RUNX1: variants seen among roughly 807,000 people sequenced by gnomAD.
RUNX1 encodes RUNX family transcription factor 1.
A neutral mutation model predicts 42.8 loss-of-function variants in RUNX1; 19 were observed. The observed-to-expected ratio is 0.44, with a 90% CI of 0.31 to 0.65. The LOEUF (loss-of-function observed/expected upper bound fraction) is 0.65. Among genes scored for constraint, RUNX1 ranks in the 30% least tolerant of loss-of-function variants. The pLI is 0.07. For synonymous variants in RUNX1, 271 were observed against 289.4 expected, an observed-to-expected ratio of 0.94 and a Z score of 0.64; for missense variants, 528 against 672.0, an observed-to-expected ratio of 0.79 and a Z score of 2.37.
chr21:34,866,195 G>T (rs762792004), intron 5 of RUNX1, among the ~76,000 whole-genome samples: 1 of 152,194 alleles, frequency 6.6e-6, no homozygotes, highest in African/African-American at 2.4e-5. Context: ...TGCCCTGGGG[G>T]CTCAGAGTCC....
At chr21:34,893,041 T>C in intron 2 of RUNX1, 78 bp from the exon 3 acceptor site, 2 of 878,038 alleles carry the variant, frequency 2.3e-6, no homozygotes, top group Non-Finnish European at 3.8e-6. Context: ...TTTTTTTTGC[T>C]AGCTCATTTC....
chr21:34,788,132 G>C lies in RUNX1; in HGVS notation c.*4003C>G, dbSNP rs886057030. The C allele has an allele frequency of 4.3e-6, 1 of 233,220 alleles. No individual in the cohort carries two copies. Among genetic ancestry groups the C allele is most frequent in the Non-Finnish European group, 8.5e-6 (1 of 118,070 alleles). The allele number at this position is 233,220 out of a possible 1,614,324, so 14.4% of individuals were successfully genotyped here. A position where few individuals can be genotyped will look rare whatever the true frequency, so the allele number is the denominator to read the frequency against. On this transcript the variant is annotated 3_prime_UTR_variant, in exon 9 of 9. Coordinates refer to ENST00000675419, the MANE Select transcript of RUNX1 (RefSeq NM_001754.5). ...TTCCCCTTTAAGAAGCATTCCATAC[G>C]TTTGTACCAGGGAGAAAGAAGCCCA... is the stretch of plus-strand genomic sequence containing the variant.
intron 8 of RUNX1, among the ~76,000 whole-genome samples, chr21:34,795,597 G>A (rs1343864793): frequency 6.6e-6 from 1 of 152,172 alleles, no homozygotes; most frequent in Non-Finnish European, 1.5e-5. Context: ...AGGCAGACAT[G>A]TGGGCAGGGA....
chr21:34,798,188 G>A (rs2056557587), intron 8 of RUNX1: 1 of 454,104 alleles, frequency 2.2e-6, no homozygotes, highest in African/African-American at 2.0e-5. Flanking sequence ...GATCCCAAGA[G>A]CTGAAAAGCA....
chr21:34,836,336 C>T (rs1341364082), intron 6 of RUNX1, among the ~76,000 whole-genome samples: 1 of 152,198 alleles, frequency 6.6e-6, no homozygotes, highest in Non-Finnish European at 1.5e-5. Flanking sequence ...TTGCAGCAAC[C>T]CCCATCATCC....
intron 2 of RUNX1, among the ~76,000 whole-genome samples, chr21:34,954,509 C>A (rs1481031893): frequency 6.6e-6 from 1 of 152,124 alleles, no homozygotes; most frequent in African/African-American, 2.4e-5. Context: ...ATATCCCTGA[C>A]TTCTCCCTCT....
chr21:34,882,909 G>A (rs1019651984), intron 4 of RUNX1, among the ~76,000 whole-genome samples: 2 of 152,100 alleles, frequency 1.3e-5, no homozygotes, highest in African/African-American at 4.8e-5. Context: ...CATTCAGCAG[G>A]TATACAGAGA....
intron 2 of RUNX1, among the ~76,000 whole-genome samples, chr21:35,015,158 G>A (rs1162886172): frequency 3.3e-5 from 5 of 152,206 alleles, no homozygotes; most frequent in Admixed American, 6.5e-5. Flanking sequence ...CTGGCTGTGA[G>A]ATCCTGGGCA....
In RUNX1 at chr21:34,905,464, T is replaced by G. The variant is rs564071751; in HGVS notation, c.59-12501A>C. ...TGTGTAAGCTTTATTTTCACCGTTGTGTATGATGCTCTTTTCTGATCATGG... is the reference window on the plus strand; with the variant it reads ...TGTGTAAGCTTTATTTTCACCGTTGGGTATGATGCTCTTTTCTGATCATGG... On this transcript the variant is annotated intron_variant, in intron 2 of 8. Coordinates refer to ENST00000675419, the MANE Select transcript of RUNX1 (RefSeq NM_001754.5). Among the ~76,000 whole-genome samples the G allele has an allele frequency of 1.1e-3, 160 of 152,346 alleles. 1 individual carries two copies. The highest frequency in any genetic ancestry group is 3.7e-3 in the African/African-American group (153 of 41,580).
At chr21:34,850,380 C>T (rs1411274692) in intron 6 of RUNX1, among the ~76,000 whole-genome samples, 2 of 152,128 alleles carry the variant, frequency 1.3e-5, no homozygotes, top group Non-Finnish European at 2.9e-5. Flanking sequence ...AGTGGGTGGC[C>T]GGCCATGTTT....
intron 6 of RUNX1, among the ~76,000 whole-genome samples, chr21:34,848,054 T>C (rs1377264288): frequency 2.6e-5 from 4 of 152,248 alleles, no homozygotes; most frequent in Non-Finnish European, 4.4e-5. Context: ...AGCATGTGCT[T>C]TAATAATAGC....
At chr21:34,936,269 CCT>C (rs1491062455) in intron 2 of RUNX1, among the ~76,000 whole-genome samples, 1 of 149,216 alleles carries the variant, frequency 6.7e-6, no homozygotes, top group African/African-American at 2.5e-5. Flanking sequence ...ATTCAGCCCC[CCT>C]CTTTTTTAAA....
chr21:34,846,194 CTT>C (rs5843687), intron 6 of RUNX1, among the ~76,000 whole-genome samples: 91 of 102,236 alleles, frequency 8.9e-4, no homozygotes, highest in South Asian at 3.8e-3. Flanking sequence ...TTAAGGATGT[CTT>C]TTTTTTTTTT....
intron 7 of RUNX1, among the ~76,000 whole-genome samples, chr21:34,821,041 G>C (rs950731570): frequency 6.6e-6 from 1 of 152,174 alleles, no homozygotes; most frequent in African/African-American, 2.4e-5. Context: ...TTTACCATTT[G>C]GTCTTGTGGA....
intron 2 of RUNX1, among the ~76,000 whole-genome samples, chr21:34,893,540 C>A (rs1211429778): frequency 3.9e-5 from 6 of 152,092 alleles, no homozygotes; most frequent in African/African-American, 4.8e-5. Context: ...TTACTGTATA[C>A]ATTTACAACT....
chr21:34,993,283 G>A (rs916190735), intron 2 of RUNX1, among the ~76,000 whole-genome samples: 1 of 152,166 alleles, frequency 6.6e-6, no homozygotes, highest in African/African-American at 2.4e-5. Flanking sequence ...TACTGATGTA[G>A]CTATAGGATG....
intron 2 of RUNX1, among the ~76,000 whole-genome samples, chr21:35,030,156 AC>A (rs935629346): frequency 2.0e-5 from 3 of 152,172 alleles, no homozygotes; most frequent in African/African-American, 7.2e-5. Context: ...ATCCTGGCTA[AC>A]ACGGTGAAAC....
chr21:34,932,103 G>A (rs2058451723), intron 2 of RUNX1, among the ~76,000 whole-genome samples: 1 of 152,156 alleles, frequency 6.6e-6, no homozygotes, highest in South Asian at 2.1e-4. Flanking sequence ...TGATAACCAT[G>A]AGATTCCCAT....
chr21:34,971,577 C>A (rs1201995937), intron 2 of RUNX1, among the ~76,000 whole-genome samples: 2 of 152,142 alleles, frequency 1.3e-5, no homozygotes, highest in African/African-American at 4.8e-5. Context: ...ACCCACCCTT[C>A]CATCATTTAT....
Sources: allele counts gnomAD v4.1 joint callset (sites outside exome capture counted in the v4.1 genomes callset), GRCh38; gene constraint gnomAD v4.1.1; transcripts MANE v1.5; gene names NCBI Gene and HGNC (gene_info 2026-07-23, HGNC 2026-07-21).